CHODL: variants seen among roughly 807,000 people sequenced by gnomAD.
The protein encoded by CHODL is chondrolectin, also known as transmembrane protein MT75.
CHODL carries 29 observed loss-of-function variants against 34.5 expected under a neutral mutation model. The ratio of observed to expected loss-of-function variants is 0.84; its 90% CI spans 0.63 to 1.15. The LOEUF is 1.15. Ranked by LOEUF, CHODL falls within the 50% of genes most tolerant of loss-of-function variation. The probability of loss-of-function intolerance (pLI) is 0.00; values close to 1 mark genes in which losing one functional copy is unlikely to be tolerated. For synonymous variants in CHODL, 125 were observed against 116.1 expected (o/e 1.08, Z -0.49); for missense variants, 332 against 332.5 (o/e 1.00, Z 0.01).
chr21:18,044,408 G>A (rs543904740), intron 2 of CHODL, among the ~76,000 whole-genome samples: 15 of 151,968 alleles, frequency 9.9e-5, no homozygotes, highest in African/African-American at 1.9e-4. Flanking sequence ...ACACCACATC[G>A]TTGAGACTGC....
At chr21:17,937,836 AC>A (rs1568806643) in intron 1 of CHODL, among the ~76,000 whole-genome samples, 1 of 152,162 alleles carries the variant, frequency 6.6e-6, no homozygotes, top group African/African-American at 2.4e-5. Flanking sequence ...TCTGTCAGTT[AC>A]TTAATCATTA....
chr21:18,213,966 T>C (rs1452660202), intron 2 of CHODL, among the ~76,000 whole-genome samples: 1 of 152,096 alleles, frequency 6.6e-6, no homozygotes, highest in African/African-American at 2.4e-5. Context: ...AATAACTATT[T>C]CTTCTATACT....
intron 1 of CHODL, among the ~76,000 whole-genome samples, chr21:17,937,118 A>G (rs1191909976): frequency 1.3e-5 from 2 of 151,940 alleles, no homozygotes; most frequent in Non-Finnish European, 2.9e-5. Context: ...GAAGAGGATA[A>G]ATGTAGAAAT....
intron 1 of CHODL, among the ~76,000 whole-genome samples, chr21:17,958,513 T>C (rs73323218): frequency 0.024 from 3,623 of 152,322 alleles, 150 homozygotes; most frequent in African/African-American, 0.082. Flanking sequence ...ATTTGTTCAA[T>C]GTCTGTGTGC....
At chr21:18,096,523 G>T (rs1266301270) in intron 2 of CHODL, among the ~76,000 whole-genome samples, 1 of 152,134 alleles carries the variant, frequency 6.6e-6, no homozygotes, top group African/African-American at 2.4e-5. Flanking sequence ...CACTCTGGGA[G>T]TGTCTGTCTT....
intron 2 of CHODL, among the ~76,000 whole-genome samples, chr21:18,036,461 G>T (rs1023102378): frequency 6.6e-6 from 1 of 151,900 alleles, no homozygotes; most frequent in African/African-American, 2.4e-5. Flanking sequence ...TAGCTACCTT[G>T]GCCTCCTTGG....
At chr21:18,133,179 C>T (rs769954253) in intron 2 of CHODL, among the ~76,000 whole-genome samples, 1 of 152,054 alleles carries the variant, frequency 6.6e-6, no homozygotes, top group Non-Finnish European at 1.5e-5. Context: ...TTCTGATTGT[C>T]AAAACAAAAT....
intron 1 of CHODL, among the ~76,000 whole-genome samples, chr21:18,016,494 G>A (rs986464184): frequency 2.0e-5 from 3 of 152,220 alleles, no homozygotes; most frequent in Admixed American, 1.3e-4. Flanking sequence ...GCCAGGACCA[G>A]GCCCAAGCCC....
At chr21:17,978,967 A>G (rs2063693068) in intron 1 of CHODL, among the ~76,000 whole-genome samples, 1 of 152,110 alleles carries the variant, frequency 6.6e-6, no homozygotes, top group South Asian at 2.1e-4. Context: ...CAGCAGCAGC[A>G]AGGGTGCATT....
chr21:18,044,948 T>C (rs548461939), intron 2 of CHODL, among the ~76,000 whole-genome samples: 4 of 151,958 alleles, frequency 2.6e-5, no homozygotes, highest in Non-Finnish European at 5.9e-5. Flanking sequence ...ATAGACAGGG[T>C]CTATGTCGTT....
chr21:18,248,123 C>G (rs375200419), intron 1 of CHODL, among the ~76,000 whole-genome samples: 1 of 151,498 alleles, frequency 6.6e-6, no homozygotes, highest in Non-Finnish European at 1.5e-5. Flanking sequence ...CTCCAGGACA[C>G]TTTAATATAT....
In CHODL at chr21:18,008,774, GGACA is replaced by G. The variant is rs1460840302; in HGVS notation, c.-144-19093_-144-19090del. 3.3e-5 allele frequency among the ~76,000 whole-genome samples: 5 copies of G among 152,138 alleles called. No homozygotes were observed. In the East Asian group the frequency reaches 5.8e-4, roughly 18 times the overall value. ...ATTGTTCCAATTTTTGTAATGATAGGGACAGACAAATCATATTTAATTTTATGTT... is the reference window on the plus strand; with the variant it reads ...ATTGTTCCAATTTTTGTAATGATAGGGACAAATCATATTTAATTTTATGTT... On this transcript the variant is annotated intron_variant, in intron 1 of 6. Transcript: ENST00000400127.
At chr21:18,030,836 G>A (rs2064239058) in intron 2 of CHODL, among the ~76,000 whole-genome samples, 1 of 152,240 alleles carries the variant, frequency 6.6e-6, no homozygotes, top group African/African-American at 2.4e-5. Context: ...TCCAGTGTTT[G>A]CTACCTTAGA....
intron 1 of CHODL, among the ~76,000 whole-genome samples, chr21:18,013,417 C>T (rs1295158961): frequency 1.4e-5 from 2 of 145,398 alleles, no homozygotes; most frequent in Non-Finnish European, 3.0e-5. Context: ...GTCATATATC[C>T]CTGTAACTGC....
intron 2 of CHODL, among the ~76,000 whole-genome samples, chr21:18,113,934 T>C (rs1383590044): frequency 1.3e-5 from 2 of 152,178 alleles, no homozygotes; most frequent in African/African-American, 4.8e-5. Flanking sequence ...ATGTGGTCCA[T>C]ATACACAATA....
chr21:18,126,250 A>T (rs1363926230), intron 2 of CHODL, among the ~76,000 whole-genome samples: 2 of 152,248 alleles, frequency 1.3e-5, no homozygotes, highest in Non-Finnish European at 1.5e-5. Context: ...CAGCAAAAGG[A>T]TTATGACTCT....
At chr21:18,087,859 G>A (rs1281583418) in intron 2 of CHODL, among the ~76,000 whole-genome samples, 1 of 152,144 alleles carries the variant, frequency 6.6e-6, no homozygotes, top group Non-Finnish European at 1.5e-5. Flanking sequence ...GGAGAAAAGA[G>A]GTTTAATTGA....
intron 1 of CHODL, among the ~76,000 whole-genome samples, chr21:18,248,611 A>T (rs936796384): frequency 8.6e-5 from 11 of 127,762 alleles, no homozygotes; most frequent in African/African-American, 1.3e-4. Context: ...ATATATGTAT[A>T]ATACATATAT....
At chr21:18,118,395 T>C (rs2065438731) in intron 2 of CHODL, among the ~76,000 whole-genome samples, 1 of 152,104 alleles carries the variant, frequency 6.6e-6, no homozygotes, top group African/African-American at 2.4e-5. Context: ...TCCTCAAAAA[T>C]ACTAATTAAC....
Sources: gnomAD v4.1 joint callset for allele counts (sites outside exome capture counted in the v4.1 genomes callset) on GRCh38, gnomAD v4.1.1 for gene constraint, MANE v1.5 for transcripts, NCBI Gene and HGNC (gene_info 2026-07-23, HGNC 2026-07-21) for gene names.